Variants in WDPCP observed in about 807,000 individuals in gnomAD.
WDPCP encodes the protein WD repeat-containing and planar cell polarity effector protein fritz homolog.
In WDPCP, 71 loss-of-function variants were observed where a neutral mutation model predicts 93.1. The observed-to-expected ratio is 0.76, with a 90% confidence interval of 0.63 to 0.93. WDPCP has a LOEUF of 0.93. Among genes scored for constraint, WDPCP ranks in the 40% least tolerant of loss-of-function variants. WDPCP has a pLI of 0.00. For synonymous variants in WDPCP, 315 were observed against 315.0 expected, an observed-to-expected ratio of 1.00 and a Z score of 0.00; for missense variants, 844 against 887.4, an observed-to-expected ratio of 0.95 and a Z score of 0.62.
chr2:63,214,517 T>C (rs1390229820), intron 14 of WDPCP, among the ~76,000 whole-genome samples: 1 of 152,168 alleles, frequency 6.6e-6, no homozygotes, highest in Non-Finnish European at 1.5e-5. Flanking sequence ...GCCAGTATCA[T>C]ACTGAATGGG....
intron 3 of WDPCP, among the ~76,000 whole-genome samples, chr2:63,650,109 C>A (rs893903703): frequency 6.6e-6 from 1 of 152,172 alleles, no homozygotes; most frequent in African/African-American, 2.4e-5. Flanking sequence ...AATGGAATAA[C>A]CAGCTTGGAT....
chr2:63,511,396 A>T (rs1285839134), intron 1 of WDPCP, among the ~76,000 whole-genome samples: 1 of 152,192 alleles, frequency 6.6e-6, no homozygotes, highest in Non-Finnish European at 1.5e-5. Flanking sequence ...GAAAACTACT[A>T]CTTTAAATTT....
intron 12 of WDPCP, among the ~76,000 whole-genome samples, chr2:63,317,760 C>T (rs1441554060): frequency 1.3e-5 from 2 of 151,954 alleles, no homozygotes; most frequent in Non-Finnish European, 2.9e-5. Flanking sequence ...ATACAAAAAT[C>T]GATTCAAGAT....
intron 12 of WDPCP, among the ~76,000 whole-genome samples, chr2:63,328,267 G>A (rs914491072): frequency 6.6e-6 from 1 of 151,856 alleles, no homozygotes; most frequent in Non-Finnish European, 1.5e-5. Flanking sequence ...GGGAATAAAA[G>A]CAGGCCACCC....
chr2:63,476,819 A>G (rs1700001815), intron 6 of WDPCP, among the ~76,000 whole-genome samples: 1 of 152,220 alleles, frequency 6.6e-6, no homozygotes, highest in East Asian at 1.9e-4. Flanking sequence ...ATCAAGTTCT[A>G]CAATTAAGGG....
At chr2:63,410,278 T>C (rs541741053) in intron 9 of WDPCP, among the ~76,000 whole-genome samples, 1 of 152,196 alleles carries the variant, frequency 6.6e-6, no homozygotes, top group Non-Finnish European at 1.5e-5. Flanking sequence ...AAGTATCATA[T>C]GTGAATGAAA....
intron 13 of WDPCP, among the ~76,000 whole-genome samples, chr2:63,263,613 G>T (rs766510662): frequency 6.6e-6 from 1 of 152,184 alleles, no homozygotes; most frequent in Admixed American, 6.5e-5. Context: ...GTGGTATGCT[G>T]TTGTAGCAGC....
At chr2:63,122,910 A>G (rs1669645070) in intron 17 of WDPCP, among the ~76,000 whole-genome samples, 1 of 152,268 alleles carries the variant, frequency 6.6e-6, no homozygotes, top group South Asian at 2.1e-4. Context: ...TATTTTTACT[A>G]AGAAAAGCCT....
chr2:63,589,060 C>T, upstream of WDPCP: 1 of 1,614,088 alleles, frequency 6.2e-7, no homozygotes, highest in Non-Finnish European at 8.5e-7. Context: ...AGTGTGGGCC[C>T]CGGGTTCCTG....
intron 1 of WDPCP, among the ~76,000 whole-genome samples, chr2:63,559,866 A>C (rs1706454324): frequency 6.6e-6 from 1 of 152,202 alleles, no homozygotes; most frequent in Admixed American, 6.5e-5. Context: ...GCCCAAAGTA[A>C]TTTATAGATT....
intron 3 of WDPCP, among the ~76,000 whole-genome samples, chr2:63,647,108 C>A (rs1710060788): frequency 6.6e-6 from 1 of 151,438 alleles, no homozygotes; most frequent in Admixed American, 6.6e-5. Flanking sequence ...CTTCTTTTTT[C>A]CTTTTGTCTC....
intron 14 of WDPCP, among the ~76,000 whole-genome samples, chr2:63,208,516 G>T (rs531856573): frequency 1.3e-5 from 2 of 152,222 alleles, no homozygotes; most frequent in African/African-American, 4.8e-5. Context: ...TAAGTTTGGG[G>T]ATTCATCTAG....
chr2:63,660,988 AT>A (rs925117356), intron 2 of WDPCP, among the ~76,000 whole-genome samples: 27 of 152,202 alleles, frequency 1.8e-4, no homozygotes, highest in Admixed American at 1.8e-3. Flanking sequence ...TCCTGTTATA[AT>A]CTCTCATTCC....
chr2:63,440,698 G>A (rs1697451197), intron 6 of WDPCP: 1 of 152,534 alleles, frequency 6.6e-6, no homozygotes, highest in African/African-American at 2.4e-5. Flanking sequence ...AACATTGGAA[G>A]AAATTGTTTC....
At chr2:63,485,375 AAATT>A (rs1367401077) in intron 4 of WDPCP, among the ~76,000 whole-genome samples, 1 of 151,558 alleles carries the variant, frequency 6.6e-6, no homozygotes, top group Admixed American at 6.6e-5. Flanking sequence ...AAAAAAAAAA[AAATT>A]ATCATGAGTA....
chr2:63,198,576 C>T (rs1376623550), intron 14 of WDPCP, among the ~76,000 whole-genome samples: 1 of 152,102 alleles, frequency 6.6e-6, no homozygotes, highest in Admixed American at 6.5e-5. Context: ...CCTTGCTGTT[C>T]TAGTAATAGT....
chr2:63,304,847 AGCTTGAAATTCTT>A (rs1685598848), intron 13 of WDPCP, among the ~76,000 whole-genome samples: 2 of 152,134 alleles, frequency 1.3e-5, no homozygotes, highest in African/African-American at 4.8e-5. Context: ...AAGATCTACT[AGCTTGAAATTCTT>A]GCCAGCACAG....
intron 1 of WDPCP, among the ~76,000 whole-genome samples, chr2:63,526,011 T>C (rs1252282999): frequency 6.6e-6 from 1 of 152,182 alleles, no homozygotes; most frequent in Non-Finnish European, 1.5e-5. Flanking sequence ...GTACGGCTTT[T>C]GAATTTCAGG....
chr2:63,780,475 C>T (rs1437553830), intron 2 of WDPCP, among the ~76,000 whole-genome samples: 2 of 152,188 alleles, frequency 1.3e-5, no homozygotes, highest in African/African-American at 4.8e-5. Flanking sequence ...GAAGGATACC[C>T]TGTTAATGAA....
Sources: gnomAD v4.1 joint callset for allele counts (sites outside exome capture counted in the v4.1 genomes callset) on GRCh38, gnomAD v4.1.1 for gene constraint, MANE v1.5 for transcripts, NCBI Gene and HGNC (gene_info 2026-07-23, HGNC 2026-07-21) for gene names.